Variants in FHAD1 observed in about 807,000 individuals in gnomAD.
FHAD1 encodes forkhead-associated domain-containing protein 1.
FHAD1 carries 146 observed loss-of-function variants against 191.3 expected under a neutral mutation model. The observed-to-expected ratio is 0.76, with a 90% CI of 0.67 to 0.88. The LOEUF (loss-of-function observed/expected upper bound fraction) is 0.88. Among genes scored for constraint, FHAD1 ranks in the 40% least tolerant of loss-of-function variants. FHAD1 has a pLI of 0.00. For synonymous variants in FHAD1, 616 were observed against 672.3 expected, an observed-to-expected ratio of 0.92 and a Z score of 1.29; for missense variants, 1,635 against 1,785.8, an observed-to-expected ratio of 0.92 and a Z score of 1.52.
rs141782972 is a variant in FHAD1 at position 15,240,687 on chromosome 1, G to T, written c.-15+3926G>T. 3.9e-3 allele frequency among the ~76,000 whole-genome samples: 584 copies of T among 150,274 alleles called. 4 individuals are homozygous for T. Among genetic ancestry groups the T allele is most frequent in the Middle Eastern group, 7.1e-3 (2 of 280 alleles). On this transcript the variant is annotated intron_variant, in intron 1 of 33. Transcript: ENST00000683790. The stretch of plus-strand genomic sequence containing the variant: ...AAAGAAAGCAGATCGGGCCGGGCGT[G>T]GTGGCTCATGCCTGTAATCCCAGCA...
At chr1:15,264,934 C>T (rs938451970) in intron 2 of FHAD1, among the ~76,000 whole-genome samples, 4 of 152,156 alleles carry the variant, frequency 2.6e-5, no homozygotes, top group Non-Finnish European at 5.9e-5. Context: ...CAGATAGTCA[C>T]GTGGTTCTTC....
chr1:15,400,928 G>A (rs2496349), downstream of FHAD1, among the ~76,000 whole-genome samples: 81 of 152,336 alleles, frequency 5.3e-4, 1 homozygote, highest in African/African-American at 1.8e-3. Context: ...TGTGGGAGGA[G>A]CTCCAGATTT....
intron 11 of FHAD1, 59 bp downstream of exon 11, chr1:15,324,618 C>T (rs1401751664): frequency 8.0e-7 from 1 of 1,248,378 alleles, no homozygotes; most frequent in African/African-American, 1.5e-5. Flanking sequence ...TGCACCCAAG[C>T]AGCCAGTGGG....
intron 23 of FHAD1, among the ~76,000 whole-genome samples, chr1:15,363,230 C>T (rs1178222869): frequency 6.6e-6 from 1 of 152,172 alleles, no homozygotes; most frequent in Non-Finnish European, 1.5e-5. Flanking sequence ...ACTCAGGTCT[C>T]CCTGCCTCTT....
At chr1:15,263,561 G>A (rs12569342) in intron 2 of FHAD1, among the ~76,000 whole-genome samples, 44,964 of 134,038 alleles carry the variant, frequency 0.34, 7,688 homozygotes, top group East Asian at 0.56. Flanking sequence ...TCGCTCTGTC[G>A]CCCAGGCTGG....
chr1:15,268,504 T>C lies in FHAD1; in HGVS notation c.94-3819T>C, dbSNP rs1016128017. 3.2e-5 allele frequency among the ~76,000 whole-genome samples: 4 copies of C among 124,934 alleles called. 1 individual carries two copies. The highest frequency in any genetic ancestry group is 5.2e-5 in the Non-Finnish European group (3 of 57,306). The allele number at this position is 124,934 out of a possible 152,430, so 82.0% of individuals were successfully genotyped here. A position where few individuals can be genotyped will look rare whatever the true frequency, so the allele number is the denominator to read the frequency against. ...AGCGCGATTTATAGTCCTTTGGGTATATACCCAGTAATGGGATGGCTGGGT... is the reference window on the plus strand; with the variant it reads ...AGCGCGATTTATAGTCCTTTGGGTACATACCCAGTAATGGGATGGCTGGGT... On this transcript the variant is annotated intron_variant, in intron 2 of 33. Transcript: ENST00000688493.
Position 15,352,966 on chromosome 1 carries a change from C to T in FHAD1, c.2544C>T (p.Arg848=), listed in dbSNP as rs918329740. The part of the protein sequence containing the change: ...EKKKVQDLEN[R]LTKQKEELEL... ...AAAAGGTGCAAGACCTGGAGAATCGCTTAACCAAGCAGAAAGAGGTATGAG... is the reference window on the plus strand; with the variant it reads ...AAAAGGTGCAAGACCTGGAGAATCGTTTAACCAAGCAGAAAGAGGTATGAG... The change falls in exon 20 of 34, where the codon CGC becomes CGT. Residue 848 remains arginine (R), a synonymous_variant. Coordinates refer to ENST00000688493, the MANE Select transcript of FHAD1 (RefSeq NM_001391957.1). 1.9e-6 allele frequency: 3 copies of T among 1,551,024 alleles called. No individual in the cohort carries two copies. The African/African-American group carries it at 4.1e-5, about 21-fold the overall frequency.
intron 8 of FHAD1, among the ~76,000 whole-genome samples, chr1:15,313,518 A>T (rs1558080128): frequency 6.6e-6 from 1 of 152,236 alleles, no homozygotes; most frequent in Non-Finnish European, 1.5e-5. Flanking sequence ...TAATTCCAGC[A>T]GTAAATGCAC....
chr1:15,296,862 C>A (rs1667156531), intron 5 of FHAD1, 69 bp downstream of exon 5: 3 of 1,296,028 alleles, frequency 2.3e-6, no homozygotes, highest in Admixed American at 4.2e-5. Flanking sequence ...TTGCCGATGC[C>A]TGTTCTGTGT....
Position 15,324,576 on chromosome 1 carries a change from G to C in FHAD1, c.1473+17G>C. On this transcript the variant is annotated intron_variant, in intron 11 of 33. Transcript: ENST00000688493. ...GTAGGTCAGGTAGGCATGTTCCAGA[G>C]CCCCCCTCATTGGCCCACGCTCTCC... 1 of 1,522,982 alleles carries C rather than the reference G, an allele frequency of 6.6e-7. No individual in the cohort carries two copies. 94.3% of individuals were successfully genotyped at this position (1,522,982 alleles called of 1,614,324 possible).
intron 20 of FHAD1, among the ~76,000 whole-genome samples, chr1:15,354,971 G>A (rs531386561): frequency 2.0e-5 from 3 of 152,216 alleles, no homozygotes; most frequent in Non-Finnish European, 4.4e-5. Flanking sequence ...CACTTTGGGA[G>A]GCCAAGGTGG....
chr1:15,265,986 A>AG (rs1328028230), intron 2 of FHAD1, among the ~76,000 whole-genome samples: 7 of 151,480 alleles, frequency 4.6e-5, no homozygotes, highest in African/African-American at 1.5e-4. Context: ...AAAAAAAAAA[A>AG]AAAGAGAGAG....
Position 15,325,331 on chromosome 1 carries a change from G to T in FHAD1, c.1473+772G>T, listed in dbSNP as rs374009729. ...GGTTTGCACACACACGTGTGTGTGC[G>T]TGTGTGTGTGTGTATTACTGGGAAG... On this transcript the variant is annotated intron_variant, in intron 11 of 33. Coordinates refer to ENST00000688493, the MANE Select transcript of FHAD1 (RefSeq NM_001391957.1). The surrounding 1 kb of genome is among the most constrained non-coding windows in gnomAD (Gnocchi z 4.6). 1 of 151,298 alleles carries T rather than the reference G, an allele frequency of 6.6e-6. No homozygotes were observed. Among genetic ancestry groups the T allele is most frequent in the East Asian group, 2.0e-4 (1 of 5,104 alleles). The allele number at this position is 151,298 out of a possible 1,614,324, so 9.4% of individuals were successfully genotyped here.
chr1:15,328,078 T>C lies in FHAD1; in HGVS notation c.1558-199T>C, dbSNP rs562431851. The C allele has an allele frequency of 2.9e-3, 1,119 of 391,288 alleles. 1 individual carries two copies. Among genetic ancestry groups the C allele is most frequent in the Non-Finnish European group, 4.1e-3 (912 of 220,470 alleles). The allele number at this position is 391,288 out of a possible 1,614,324, so 24.2% of individuals were successfully genotyped here. A position where few individuals can be genotyped will look rare whatever the true frequency, so the allele number is the denominator to read the frequency against. On this transcript the variant is annotated intron_variant, in intron 12 of 33. Coordinates refer to ENST00000688493, the MANE Select transcript of FHAD1 (RefSeq NM_001391957.1). ...GAAAAAAGAAAAGAGAATCTCTGAT[T>C]CTGGGACTCATTCCCTGGTGACAGG...
At chr1:15,236,795 G>T (rs1553210178) in intron 1 of FHAD1, among the ~76,000 whole-genome samples, 1 of 152,192 alleles carries the variant, frequency 6.6e-6, no homozygotes, top group Non-Finnish European at 1.5e-5. Context: ...GCTGAAGCTA[G>T]TTTGAACTGG....
At chr1:15,392,240 G>A (rs1704255182) in intron 33 of FHAD1, among the ~76,000 whole-genome samples, 1 of 152,182 alleles carries the variant, frequency 6.6e-6, no homozygotes, top group Non-Finnish European at 1.5e-5. Context: ...GGTGCAAAAA[G>A]GTTTCCTCCA....
At chr1:15,376,077 ATTTT>A (rs36078790) in intron 28 of FHAD1, among the ~76,000 whole-genome samples, 51,029 of 116,544 alleles carry the variant, frequency 0.44, 10,196 homozygotes, top group African/African-American at 0.5. Context: ...TTATTTATTT[ATTTT>A]TTTATTTATT....
downstream of FHAD1, among the ~76,000 whole-genome samples, chr1:15,402,286 A>C (rs541660070): frequency 5.9e-5 from 9 of 152,338 alleles, no homozygotes; most frequent in South Asian, 1.2e-3. Context: ...AGGAAGTTGG[A>C]ATCATTAATT....
chr1:15,291,045 A>G (rs1664549557), intron 4 of FHAD1, among the ~76,000 whole-genome samples: 2 of 151,670 alleles, frequency 1.3e-5, no homozygotes. Flanking sequence ...CATACAGCAA[A>G]GTAAAAATAA....
Sources: gnomAD v4.1 joint callset for allele counts (sites outside exome capture counted in the v4.1 genomes callset) on GRCh38, gnomAD v4.1.1 for gene constraint, Gnocchi (gnomAD v3.1) non-coding constraint, MANE v1.5 for transcripts, NCBI Gene and HGNC (gene_info 2026-07-23, HGNC 2026-07-21) for gene names.